Variants in HLF observed in about 807,000 individuals in gnomAD.
HLF encodes hepatic leukemia factor.
In HLF, 3 loss-of-function variants were observed where a neutral mutation model predicts 22.6. That is an observed-to-expected ratio of 0.13 (90% CI 0.06 to 0.34). The LOEUF (loss-of-function observed/expected upper bound fraction) is 0.34, where lower values mean the gene tolerates loss of function less well. HLF is among the 10% of genes least tolerant of loss of function. HLF has a pLI of 1.00. For missense variants in HLF, 299 were observed against 389.2 expected (o/e 0.77, Z 1.95); for synonymous variants, 151 against 151.8 (o/e 0.99, Z 0.04).
At chr17:55,289,286 G>A (rs1177282697) in intron 2 of HLF, among the ~76,000 whole-genome samples, 1 of 152,220 alleles carries the variant, frequency 6.6e-6, no homozygotes, top group African/African-American at 2.4e-5. Flanking sequence ...CTGGCAGGAA[G>A]CTGCCCTTCT....
intron 1 of HLF, 59 bp downstream of exon 1, chr17:55,265,658 C>T: frequency 7.8e-7 from 1 of 1,275,890 alleles, no homozygotes; most frequent in Non-Finnish European, 1.1e-6. Flanking sequence ...TCCCCCTCCG[C>T]GGCCGGGCAC....
chr17:55,314,937 A>G (rs1452144577), intron 2 of HLF, among the ~76,000 whole-genome samples: 2 of 152,240 alleles, frequency 1.3e-5, no homozygotes, highest in Non-Finnish European at 2.9e-5. Context: ...TGCCTGGCAC[A>G]TCGCTGTGTG....
chr17:55,310,923 T>C (rs1904799709), intron 2 of HLF, among the ~76,000 whole-genome samples: 1 of 152,028 alleles, frequency 6.6e-6, no homozygotes, highest in African/African-American at 2.4e-5. Context: ...TGTGAAAGGC[T>C]AAAATAAAGA....
chr17:55,309,808 A>G (rs955609420), intron 2 of HLF, among the ~76,000 whole-genome samples: 2 of 152,226 alleles, frequency 1.3e-5, no homozygotes, highest in African/African-American at 4.8e-5. Context: ...AATGAGGAGC[A>G]CATCAGAAAG....
At chr17:55,297,743 T>C (rs1365124941) in intron 2 of HLF, among the ~76,000 whole-genome samples, 1 of 132,340 alleles carries the variant, frequency 7.6e-6, no homozygotes, top group Non-Finnish European at 1.6e-5. Context: ...CATTTCTTTT[T>C]TTTTTTTTTT....
chr17:55,291,333 A>G (rs183526673), intron 2 of HLF, among the ~76,000 whole-genome samples: 1 of 152,292 alleles, frequency 6.6e-6, no homozygotes, highest in Admixed American at 6.5e-5. Context: ...TTAGTGGGCA[A>G]TGTAGTGGGT....
intron 2 of HLF, among the ~76,000 whole-genome samples, chr17:55,295,684 C>T (rs955761282): frequency 5.3e-5 from 8 of 152,212 alleles, no homozygotes. Context: ...GGTACTTGCC[C>T]TGGGCTGCCC....
intron 2 of HLF, among the ~76,000 whole-genome samples, chr17:55,290,655 C>T (rs2081052906): frequency 6.6e-6 from 1 of 152,088 alleles, no homozygotes; most frequent in South Asian, 2.1e-4. Flanking sequence ...TGAAAGTAGG[C>T]CAATTAATAA....
chr17:55,292,684 G>A (rs574287187), intron 2 of HLF, among the ~76,000 whole-genome samples: 1 of 152,048 alleles, frequency 6.6e-6, no homozygotes, highest in African/African-American at 2.4e-5. Context: ...AAGAGATACC[G>A]GCATTCCATG....
At chr17:55,269,783 G>A (rs147126788) in intron 2 of HLF, among the ~76,000 whole-genome samples, 571 of 152,222 alleles carry the variant, frequency 3.8e-3, no homozygotes, top group Non-Finnish European at 6.7e-3. Context: ...AAATATCTTC[G>A]TAAGGTAACT....
intron 2 of HLF, among the ~76,000 whole-genome samples, chr17:55,296,952 C>T (rs2081116576): frequency 6.6e-6 from 1 of 151,950 alleles, no homozygotes; most frequent in Admixed American, 6.6e-5. Context: ...TGATCTGTAA[C>T]CAGGGTTGAG....
Position 55,323,774 on chromosome 17 carries a change from C to T in HLF, c.*2895C>T, listed in dbSNP as rs933413578. On this transcript the variant is annotated 3_prime_UTR_variant, in exon 4 of 4. Coordinates refer to ENST00000226067, the MANE Select transcript of HLF (RefSeq NM_002126.5). The stretch of plus-strand genomic sequence containing the variant: ...GTGATTTGGGTCAACCGGAGTCAGA[C>T]GCATGTCTGCACGCTGCAGCTATTA... The T allele has an allele frequency of 1.2e-4, 27 of 230,654 alleles. No individual in the cohort carries two copies. The highest frequency in any genetic ancestry group is 2.5e-3 in the Middle Eastern group (2 of 802). 14.3% of individuals were successfully genotyped at this position (230,654 alleles called of 1,614,324 possible).
rs1487022673 is a variant in HLF at position 55,321,143 on chromosome 17, G to C, written c.*264G>C. On this transcript the variant is annotated 3_prime_UTR_variant, in exon 4 of 4. Transcript: ENST00000226067. The stretch of plus-strand genomic sequence containing the variant: ...CTCATCGTCTTTTAGTTCCAACAAA[G>C]AAAGGTGCCATGTCTTTACTAGACT... 2.3e-6 allele frequency: 1 copy of C among 435,870 alleles called. No individual in the cohort carries two copies. The highest frequency in any genetic ancestry group is 3.9e-5 in the East Asian group (1 of 25,498). The allele number at this position is 435,870 out of a possible 1,614,324, so 27.0% of individuals were successfully genotyped here.
In HLF at chr17:55,267,811, T is replaced by C. The variant is rs1485495525; in HGVS notation, c.176T>C (p.Val59Ala). ...GATGATGAGAGTAACAGCCCGACGGTCCCCCAGTCGGCATTCCTGGGGCCT... is the reference window on the plus strand; with the variant it reads ...GATGATGAGAGTAACAGCCCGACGGCCCCCCAGTCGGCATTCCTGGGGCCT... ...KLDDESNSPT[V>A]PQSAFLGPTL... The change falls in exon 2 of 4, where the codon GTC becomes GCC. Residue 59 changes from valine (V) to alanine (A), a missense_variant. Physicochemically the swap from Val to Ala is moderately conservative, Grantham distance 64. Around this residue, in one of 3 missense-constraint regions of HLF, gnomAD observed 72 missense variants for 74.0 expected, o/e 0.97. Transcript: ENST00000226067. 7 of 1,611,048 alleles carry C rather than the reference T, an allele frequency of 4.3e-6. No individual in the cohort carries two copies. Among genetic ancestry groups the C allele is most frequent in the Non-Finnish European group, 5.9e-6 (7 of 1,177,608 alleles).
In HLF at chr17:55,315,392, A is replaced by G; in HGVS notation, c.617A>G (p.Lys206Arg). Residue 206 changes from lysine to arginine, a missense_variant, in exon 3 of 4, where the codon AAG (lysine) becomes AGG (arginine). Lys to Arg is a conservative substitution (Grantham distance 26, BLOSUM62 2). Coordinates refer to ENST00000226067, the MANE Select transcript of HLF (RefSeq NM_002126.5). ...CGCAAGTTCTCTGAGGAAGAACTGA[A>G]GCCACAGCCCATGATCAAGAAAGCT... ...RKRKFSEEEL[K>R]PQPMIKKARK... 1 of 1,614,192 alleles carries G rather than the reference A, an allele frequency of 6.2e-7. No homozygotes were observed. The highest frequency in any genetic ancestry group is 1.7e-5 in the Admixed American group (1 of 60,022).
intron 2 of HLF, among the ~76,000 whole-genome samples, chr17:55,304,534 C>G (rs190432527): frequency 1.3e-5 from 2 of 152,338 alleles, no homozygotes; most frequent in African/African-American, 4.8e-5. Flanking sequence ...GTAAACACCA[C>G]TGGAATGAGA....
chr17:55,300,116 G>A (rs898889472), intron 2 of HLF, among the ~76,000 whole-genome samples: 1 of 152,176 alleles, frequency 6.6e-6, no homozygotes, highest in Non-Finnish European at 1.5e-5. Flanking sequence ...TGGAACTACA[G>A]GTGTGAGTGC....
chr17:55,320,630 T>G lies in HLF; in HGVS notation c.673-34T>G. ...CTGGGCTTTGCTGAAATCTAATATC[T>G]TGTTTCTTTTTCCCTTCTGTAACTA... On this transcript the variant is annotated intron_variant, in intron 3 of 3. Transcript: ENST00000226067. This position sits in a 1 kb window ranked among gnomAD's most constrained non-coding sequence, Gnocchi z 4.2. 1 of 1,600,128 alleles carries G rather than the reference T, an allele frequency of 6.2e-7. No homozygotes were observed. Among genetic ancestry groups the G allele is most frequent in the South Asian group, 1.1e-5 (1 of 90,306 alleles).
chr17:55,301,951 C>G (rs1014327161), intron 2 of HLF, among the ~76,000 whole-genome samples: 7 of 152,252 alleles, frequency 4.6e-5, no homozygotes, highest in Non-Finnish European at 8.8e-5. Flanking sequence ...GGAGCCTTTG[C>G]TATCATCCCA....
Sources: allele counts gnomAD v4.1 joint callset (sites outside exome capture counted in the v4.1 genomes callset), GRCh38; gene constraint gnomAD v4.1.1; regional missense constraint gnomAD v4.1.1; non-coding constraint Gnocchi (gnomAD v3.1); transcripts MANE v1.5; gene names NCBI Gene and HGNC (gene_info 2026-07-23, HGNC 2026-07-21).